The following TRPM3 variants were observed in gnomAD, a reference collection of about 807,000 sequenced individuals.
TRPM3 encodes long transient receptor potential channel 3.
In TRPM3, 77 loss-of-function variants were observed where a neutral mutation model predicts 181.2. That is an observed-to-expected ratio of 0.42 (90% confidence interval 0.35 to 0.51). The LOEUF (loss-of-function observed/expected upper bound fraction) is 0.51, where lower values mean the gene tolerates loss of function less well. Ranked by LOEUF, TRPM3 falls within the 20% of genes least tolerant of loss-of-function variation. TRPM3 has a pLI of 0.01. For missense variants in TRPM3, 1,759 were observed against 2,196.7 expected (o/e 0.80, Z 3.98); for synonymous variants, 745 against 796.4 (o/e 0.94, Z 1.09).
In TRPM3 at chr9:70,569,799, C is replaced by A. The variant is rs147437185; in HGVS notation, c.3224-16489G>T. 6.4e-4 allele frequency among the ~76,000 whole-genome samples: 97 copies of A among 152,286 alleles called. 1 individual carries two copies. Among genetic ancestry groups the A allele is most frequent in the African/African-American group, 2.2e-3 (92 of 41,572 alleles). The stretch of plus-strand genomic sequence containing the variant: ...GGCCAGCTGGGTAGAGCAGGGCCAA[C>A]AATATCTTCCTTGCAGTGTTCTTTT... On this transcript the variant is annotated intron_variant, in intron 22 of 25. Coordinates refer to ENST00000677713, the MANE Select transcript of TRPM3 (RefSeq NM_001366145.2).
intron 1 of TRPM3, among the ~76,000 whole-genome samples, chr9:71,183,814 T>C (rs1013520346): frequency 6.6e-6 from 1 of 152,104 alleles, no homozygotes; most frequent in African/African-American, 2.4e-5. Context: ...GTTCAATCTA[T>C]GGGGGCATTT....
At chr9:71,203,571 T>C (rs1297141491) in intron 1 of TRPM3, among the ~76,000 whole-genome samples, 2 of 152,214 alleles carry the variant, frequency 1.3e-5, no homozygotes, top group Non-Finnish European at 2.9e-5. Flanking sequence ...ACTGTCTGTG[T>C]TGAAGTCCCA....
At chr9:71,199,298 C>T (rs1299656030) in intron 1 of TRPM3, among the ~76,000 whole-genome samples, 1 of 151,984 alleles carries the variant, frequency 6.6e-6, no homozygotes, top group African/African-American at 2.4e-5. Flanking sequence ...AGGATTTTTG[C>T]ATCAATATTC....
chr9:70,636,692 C>CTTT (rs11380206), intron 11 of TRPM3, among the ~76,000 whole-genome samples: 16 of 135,150 alleles, frequency 1.2e-4, no homozygotes, highest in African/African-American at 3.3e-4. Flanking sequence ...ATAGTGATGG[C>CTTT]TTTTTTTTTT....
intron 1 of TRPM3, among the ~76,000 whole-genome samples, chr9:71,359,312 C>T (rs547664643): frequency 7.2e-5 from 11 of 152,276 alleles, no homozygotes; most frequent in Middle Eastern, 3.4e-3. Flanking sequence ...CATGCATGCA[C>T]GTGTTCACAC....
intron 1 of TRPM3, among the ~76,000 whole-genome samples, chr9:71,013,582 G>A (rs1328982640): frequency 6.6e-6 from 1 of 151,778 alleles, no homozygotes; most frequent in Non-Finnish European, 1.5e-5. Flanking sequence ...GTTTGGTGAG[G>A]TGGTTCTTTG....
At chr9:71,074,934 C>G (rs560724008) in intron 1 of TRPM3, among the ~76,000 whole-genome samples, 1 of 151,714 alleles carries the variant, frequency 6.6e-6, no homozygotes, top group East Asian at 1.9e-4. Context: ...AGACTTTAAC[C>G]AATAATAAAG....
intron 17 of TRPM3, 106 bp from the exon 18 acceptor site, chr9:70,616,181 C>A: frequency 1.2e-6 from 1 of 806,778 alleles, no homozygotes; most frequent in Non-Finnish European, 1.9e-6. Flanking sequence ...AGAGTGTATG[C>A]GTGTGTGTGT....
At chr9:70,568,055 G>A (rs534927346) in intron 22 of TRPM3, among the ~76,000 whole-genome samples, 4 of 152,302 alleles carry the variant, frequency 2.6e-5, no homozygotes, top group African/African-American at 9.6e-5. Context: ...CAAGATATAA[G>A]GGAGTAGCCT....
At chr9:71,305,671 A>G (rs571030188) in intron 1 of TRPM3, among the ~76,000 whole-genome samples, 22 of 152,268 alleles carry the variant, frequency 1.4e-4, no homozygotes, top group African/African-American at 5.1e-4. Context: ...CAATTCCCCA[A>G]AAGATTTTAG....
chr9:70,619,423 T>G (rs958544468), intron 16 of TRPM3, among the ~76,000 whole-genome samples: 1 of 130,936 alleles, frequency 7.6e-6, no homozygotes, highest in African/African-American at 2.9e-5. Flanking sequence ...TTTTTTTTTT[T>G]TTTTTTTTGA....
In TRPM3 at chr9:70,806,329, T is replaced by TA. The variant is rs1162367420; in HGVS notation, c.973+21517dup. Among the ~76,000 whole-genome samples the TA allele has an allele frequency of 3.3e-5, 5 of 152,150 alleles. No homozygotes were observed. The East Asian group carries it at 7.7e-4, about 23-fold the overall frequency. ...TTCCTTATTTGGCCATTTTAGGGCA[T>TA]AAAATCTCTGTTTTCCTCATTTGCC... is the stretch of plus-strand genomic sequence containing the variant. On this transcript the variant is annotated intron_variant, in intron 6 of 25. Coordinates refer to ENST00000677713, the MANE Select transcript of TRPM3 (RefSeq NM_001366145.2).
At chr9:71,148,436 G>A (rs2075553708) in intron 1 of TRPM3, among the ~76,000 whole-genome samples, 2 of 152,142 alleles carry the variant, frequency 1.3e-5, no homozygotes, top group South Asian at 2.1e-4. Flanking sequence ...AAGGTGTGTT[G>A]GATGTTGTTT....
intron 8 of TRPM3, among the ~76,000 whole-genome samples, chr9:70,760,176 T>C (rs533545974): frequency 6.6e-6 from 1 of 152,044 alleles, no homozygotes; most frequent in East Asian, 1.9e-4. Context: ...CATTTGGTTT[T>C]ATGACTTCCC....
chr9:71,155,531 A>C (rs2075956602), intron 1 of TRPM3, among the ~76,000 whole-genome samples: 1 of 135,850 alleles, frequency 7.4e-6, no homozygotes, highest in Admixed American at 7.3e-5. Context: ...ATTTTTGCAT[A>C]ATTAGTAGAG....
At chr9:70,537,454 G>T in intron 25 of TRPM3, 49 bp from the exon 26 acceptor site, 1 of 1,400,176 alleles carries the variant, frequency 7.1e-7, no homozygotes, top group South Asian at 2.0e-5. Context: ...TTCCTCTGCT[G>T]GGGCTTTAGA....
intron 1 of TRPM3, among the ~76,000 whole-genome samples, chr9:71,253,785 G>A (rs1472741045): frequency 6.6e-6 from 1 of 152,160 alleles, no homozygotes; most frequent in Non-Finnish European, 1.5e-5. Context: ...ACAGTAGCCA[G>A]TATATGGAAT....
chr9:70,780,864 C>A (rs892174002), intron 7 of TRPM3, among the ~76,000 whole-genome samples: 6 of 152,082 alleles, frequency 3.9e-5, no homozygotes, highest in Admixed American at 6.6e-5. Flanking sequence ...GTCTTAAGAT[C>A]AAAAATTATA....
intron 7 of TRPM3, 113 bp downstream of exon 7, chr9:70,783,992 A>G: frequency 6.7e-7 from 1 of 1,487,214 alleles, no homozygotes; most frequent in Non-Finnish European, 9.0e-7. Context: ...CAATTTGTTC[A>G]TAGCTTGTTT....
Sources: allele counts gnomAD v4.1 joint callset (sites outside exome capture counted in the v4.1 genomes callset), GRCh38; gene constraint gnomAD v4.1.1; transcripts MANE v1.5; gene names NCBI Gene and HGNC (gene_info 2026-07-23, HGNC 2026-07-21).